The following PCSK5 variants were observed in gnomAD, a reference collection of about 807,000 sequenced individuals.
The protein encoded by PCSK5 is proprotein convertase subtilisin/kexin type 5.
In PCSK5, 129 loss-of-function variants were observed where a neutral mutation model predicts 233.2. That is an observed-to-expected ratio of 0.55 (90% CI 0.48 to 0.64). The LOEUF is 0.64. Ranked by LOEUF, PCSK5 falls within the 30% of genes least tolerant of loss-of-function variation. The pLI is 0.00. For synonymous variants in PCSK5, 825 were observed against 879.2 expected (o/e 0.94, Z 1.09); for missense variants, 2,076 against 2,430.1 (o/e 0.85, Z 3.06).
intron 24 of PCSK5, among the ~76,000 whole-genome samples, chr9:76,255,939 G>C (rs956161580): frequency 6.6e-6 from 1 of 152,188 alleles, no homozygotes; most frequent in Non-Finnish European, 1.5e-5. Context: ...AAGTGTTAGA[G>C]CCAAATTCAG....
At chr9:76,198,602 T>C (rs1041233992) in intron 20 of PCSK5, among the ~76,000 whole-genome samples, 1 of 152,138 alleles carries the variant, frequency 6.6e-6, no homozygotes, top group Admixed American at 6.6e-5. Flanking sequence ...TCACATATGT[T>C]GCAAGGCAAG....
rs375862109 is a variant in PCSK5 at position 76,014,532 on chromosome 9, CA to C, written c.412-9202del. On this transcript the variant is annotated intron_variant, in intron 3 of 37. Coordinates refer to ENST00000674117, the MANE Select transcript of PCSK5 (RefSeq NM_001372043.1). ...ACAATATTCAAGTTCAGCTATATAC[CA>C]AAACCAGAGGAGAGTTGAACAGTAT... 7.0e-4 allele frequency among the ~76,000 whole-genome samples: 107 copies of C among 152,248 alleles called. 2 individuals carry two copies. In the East Asian group the frequency reaches 0.02, roughly 29 times the overall value.
chr9:76,018,065 C>T lies in PCSK5; in HGVS notation c.412-5673C>T, dbSNP rs113191675. 4.7e-3 allele frequency among the ~76,000 whole-genome samples: 689 copies of T among 146,876 alleles called. 7 individuals carry two copies. The highest frequency in any genetic ancestry group is 0.016 in the African/African-American group (642 of 39,568). ...TTGTCTGAAACTGCAAAGGGGAGAA[C>T]GGAGCCTTCGGTAGTTCCCAAGTAC... On this transcript the variant is annotated intron_variant, in intron 3 of 37. Coordinates refer to ENST00000674117, the MANE Select transcript of PCSK5 (RefSeq NM_001372043.1).
At chr9:76,080,542 A>T (rs375759821) in intron 7 of PCSK5, among the ~76,000 whole-genome samples, 305 of 152,328 alleles carry the variant, frequency 2.0e-3, no homozygotes, top group African/African-American at 7.0e-3. Flanking sequence ...TAATTTACTT[A>T]AGGATCACAC....
intron 15 of PCSK5, 124 bp downstream of exon 15, chr9:76,179,822 GA>G (rs1823767901): frequency 4.6e-6 from 3 of 646,986 alleles, no homozygotes. Context: ...CACCAGGACC[GA>G]AACATAGAAA....
At chr9:76,166,636 C>G (rs1427483273) in intron 12 of PCSK5, among the ~76,000 whole-genome samples, 1 of 152,188 alleles carries the variant, frequency 6.6e-6, no homozygotes, top group Non-Finnish European at 1.5e-5. Context: ...AGTGTTCTGT[C>G]TAAACTGTTT....
intron 4 of PCSK5, among the ~76,000 whole-genome samples, chr9:76,024,824 A>G (rs1233125330): frequency 6.6e-6 from 1 of 152,208 alleles, no homozygotes; most frequent in African/African-American, 2.4e-5. Context: ...TAACATGTCA[A>G]AGACTTGGGT....
intron 30 of PCSK5, among the ~76,000 whole-genome samples, chr9:76,311,421 A>G (rs1213944599): frequency 6.6e-6 from 1 of 151,518 alleles, no homozygotes; most frequent in Non-Finnish European, 1.5e-5. Flanking sequence ...TTTTTCCTCC[A>G]TTACAAAAGT....
chr9:75,980,164 AT>A (rs1826214320), intron 2 of PCSK5, among the ~76,000 whole-genome samples: 1 of 152,252 alleles, frequency 6.6e-6, no homozygotes, highest in Admixed American at 6.5e-5. Context: ...GAGAACTATG[AT>A]GTTAATTCTT....
chr9:76,212,311 G>A (rs922893510), intron 20 of PCSK5, among the ~76,000 whole-genome samples: 6 of 152,138 alleles, frequency 3.9e-5, no homozygotes, highest in South Asian at 4.1e-4. Flanking sequence ...GGCTGTGAGC[G>A]TCTGCACTAT....
chr9:75,986,200 G>C lies in PCSK5; in HGVS notation c.366G>C (p.Gln122His), dbSNP rs746004576. ...GGGATTATGACTTCAGTCGTGCCCA[G>C]TCTACCTATTTCAATGATCCCAAGT... ...TKRDYDFSRA[Q>H]STYFNDPKWP... is the part of the protein sequence containing the mutation. The change falls in exon 3 of 38, where the codon CAG becomes CAC. Residue 122 changes from glutamine (Q) to histidine (H), a missense_variant. This residue lies in a region of PCSK5 where 190 missense variants were observed against 216.3 expected (regional missense o/e 0.88). Coordinates refer to ENST00000674117, the MANE Select transcript of PCSK5 (RefSeq NM_001372043.1). 8.1e-6 allele frequency: 13 copies of C among 1,613,856 alleles called. No individual in the cohort carries two copies. The East Asian group carries it at 2.9e-4, about 36-fold the overall frequency.
At chr9:76,325,644 C>CTTTCTT (rs1230191426) in intron 32 of PCSK5, among the ~76,000 whole-genome samples, 3 of 150,356 alleles carry the variant, frequency 2.0e-5, no homozygotes, top group South Asian at 2.1e-4. Context: ...ATTGCACTTT[C>CTTTCTT]TTTTTTTTGA....
At chr9:76,256,722 T>C (rs1051285374) in intron 24 of PCSK5, among the ~76,000 whole-genome samples, 2 of 152,060 alleles carry the variant, frequency 1.3e-5, no homozygotes, top group South Asian at 2.1e-4. Flanking sequence ...TAAAAATGAG[T>C]CTGGCAGTAG....
chr9:76,043,405 A>C (rs1023541860), intron 5 of PCSK5, among the ~76,000 whole-genome samples: 1 of 151,560 alleles, frequency 6.6e-6, no homozygotes, highest in Non-Finnish European at 1.5e-5. Context: ...TTCCATTTAG[A>C]CTCTGAAAAA....
At chr9:76,137,997 G>T (rs1823050167) in intron 10 of PCSK5, among the ~76,000 whole-genome samples, 1 of 152,044 alleles carries the variant, frequency 6.6e-6, no homozygotes, top group South Asian at 2.1e-4. Context: ...AGCCATAAAA[G>T]TGAAGGCTTT....
intron 20 of PCSK5, among the ~76,000 whole-genome samples, chr9:76,218,888 T>G (rs552536295): frequency 7.9e-5 from 12 of 152,290 alleles, no homozygotes; most frequent in Admixed American, 2.0e-4. Context: ...ACACTTCGTC[T>G]TTTTGAAAGC....
At chr9:76,177,840 A>G (rs1358001856) in intron 14 of PCSK5, among the ~76,000 whole-genome samples, 1 of 152,224 alleles carries the variant, frequency 6.6e-6, no homozygotes, top group Non-Finnish European at 1.5e-5. Context: ...GCAACCTACA[A>G]TGCTAAACTT....
chr9:76,189,516 TTTTGAGTAATCTTCAGAG>T (rs754718074), intron 19 of PCSK5, 97 bp from the exon 20 acceptor site: 10 of 714,340 alleles, frequency 1.4e-5, no homozygotes, highest in Non-Finnish European at 2.4e-5. Flanking sequence ...GAGGAAAGAT[TTTTGAGTAATCTTCAGAG>T]GGATAATTAA....
chr9:75,978,869 C>CTTTTTTTTTTTTTTTT lies in PCSK5; in HGVS notation c.298-7253_298-7252insTTTTTTTTTTTTTTTT, dbSNP rs5898441. Among the ~76,000 whole-genome samples the CTTTTTTTTTTTTTTTT allele has an allele frequency of 3.9e-5, 5 of 128,044 alleles. 1 individual carries two copies. The highest frequency in any genetic ancestry group is 2.8e-5 in the African/African-American group (1 of 35,588). The allele number at this position is 128,044 out of a possible 152,430, so 84.0% of individuals were successfully genotyped here. On this transcript the variant is annotated intron_variant, in intron 2 of 37. Transcript: ENST00000674117. ...TTTTAGGCTTTGTTTGAATGTTTCC[C>CTTTTTTTTTTTTTTTT]TTTTTTTTTTCTTTTTTTCTGAGAT...
Sources: allele counts gnomAD v4.1 joint callset (sites outside exome capture counted in the v4.1 genomes callset), GRCh38; gene constraint gnomAD v4.1.1; regional missense constraint gnomAD v4.1.1; transcripts MANE v1.5; gene names NCBI Gene and HGNC (gene_info 2026-07-23, HGNC 2026-07-21).